The following TBL1X variants were observed in gnomAD, a reference collection of about 807,000 sequenced individuals.
TBL1X encodes the protein transducin beta like 1 X-linked.
Under a neutral mutation model 50.7 loss-of-function variants are expected in TBL1X, and 10 were observed. That is an observed-to-expected ratio of 0.20 (90% confidence interval 0.12 to 0.33). The LOEUF (loss-of-function observed/expected upper bound fraction) is 0.33. TBL1X is among the 10% of genes least tolerant of loss of function. The pLI, the probability that TBL1X is intolerant of heterozygous loss-of-function variation, is 1.00. For missense variants in TBL1X, 340 were observed against 504.4 expected, an observed-to-expected ratio of 0.67 and a Z score of 3.12; for synonymous variants, 190 against 214.7, an observed-to-expected ratio of 0.88 and a Z score of 1.01.
At chrX:9,569,578 A>T (rs184037510) in intron 2 of TBL1X, among the ~76,000 whole-genome samples, 63 of 111,959 alleles carry the variant, frequency 5.6e-4, no homozygotes, top group African/African-American at 2.0e-3. Flanking sequence ...GCACTTGAGG[A>T]TCATTTGAGC....
chrX:9,602,975 T>C (rs1188626281), intron 2 of TBL1X, among the ~76,000 whole-genome samples: 1 of 112,649 alleles, frequency 8.9e-6, no homozygotes, highest in East Asian at 2.8e-4. Context: ...GCATAAATCA[T>C]TGAATGATAC....
chrX:9,551,557 A>C (rs1440240518), intron 2 of TBL1X, among the ~76,000 whole-genome samples: 2 of 111,307 alleles, frequency 1.8e-5, no homozygotes, highest in African/African-American at 6.6e-5. Context: ...TTATGTTGCA[A>C]GGTCCCCCTC....
At chrX:9,481,532 C>T (rs2081882424) in intron 1 of TBL1X, among the ~76,000 whole-genome samples, 1 of 111,747 alleles carries the variant, frequency 8.9e-6, no homozygotes, top group Admixed American at 9.6e-5. Context: ...TAGCAGGACA[C>T]AATTGGAGAC....
intron 3 of TBL1X, chrX:9,645,160 T>C (rs2082797180): frequency 8.9e-6 from 1 of 111,849 alleles, no homozygotes; most frequent in African/African-American, 3.3e-5. Flanking sequence ...AGTGGCACGA[T>C]GTCGGCTCAC....
intron 7 of TBL1X, among the ~76,000 whole-genome samples, chrX:9,691,252 A>G (rs981405977): frequency 2.5e-4 from 28 of 110,163 alleles, no homozygotes; most frequent in Non-Finnish European, 4.4e-4. Flanking sequence ...CCCTGGCAAC[A>G]TGGTGAAACC....
intron 2 of TBL1X, among the ~76,000 whole-genome samples, chrX:9,554,530 A>G (rs1013674094): frequency 1.3e-4 from 15 of 112,417 alleles, no homozygotes; most frequent in African/African-American, 4.8e-4. Flanking sequence ...ACATTATGCT[A>G]TTATGCTTTT....
At chrX:9,525,978 G>A (rs953713986) in intron 2 of TBL1X, among the ~76,000 whole-genome samples, 1 of 111,137 alleles carries the variant, frequency 9.0e-6, no homozygotes, top group Non-Finnish European at 1.9e-5. Flanking sequence ...GTCCGGGAAC[G>A]TTCCTGCCTC....
chrX:9,528,142 C>T (rs2082141794), intron 2 of TBL1X, among the ~76,000 whole-genome samples: 1 of 111,137 alleles, frequency 9.0e-6, no homozygotes, highest in South Asian at 3.9e-4. Context: ...AGTAACTCCC[C>T]ATTCTCCCTT....
chrX:9,557,266 T>C lies in TBL1X; in HGVS notation c.-131+55417T>C, dbSNP rs761809010. On this transcript the variant is annotated intron_variant, in intron 2 of 17. Coordinates refer to ENST00000645353, the MANE Select transcript of TBL1X (RefSeq NM_005647.4). Reference sequence around the variant, plus strand: ...GGTCAGTCAGGCAGTAAGAGGAGCATGGACTTGTTTTCTGAAACAGCGACA... The same window carrying C: ...GGTCAGTCAGGCAGTAAGAGGAGCACGGACTTGTTTTCTGAAACAGCGACA... Among the ~76,000 whole-genome samples, 6 of 112,508 alleles carry C rather than the reference T, an allele frequency of 5.3e-5. No individual in the cohort carries two copies. The South Asian group carries it at 2.2e-3, about 41-fold the overall frequency.
intron 2 of TBL1X, among the ~76,000 whole-genome samples, chrX:9,619,620 G>T (rs1474235675): frequency 1.8e-5 from 2 of 112,544 alleles, no homozygotes; most frequent in Non-Finnish European, 3.8e-5. Flanking sequence ...CTGTGACCCT[G>T]TGTGTACTCG....
At chrX:9,511,923 C>T (rs977204091) in intron 2 of TBL1X, among the ~76,000 whole-genome samples, 11 of 111,398 alleles carry the variant, frequency 9.9e-5, no homozygotes, top group South Asian at 3.8e-4. Context: ...TGCGGTGGCG[C>T]GATCTCAGGT....
intron 1 of TBL1X, among the ~76,000 whole-genome samples, chrX:9,499,026 A>T (rs907077848): frequency 5.4e-5 from 6 of 111,804 alleles, no homozygotes; most frequent in African/African-American, 2.0e-4. Context: ...TTCAGAGAGC[A>T]GTGCAGTGGC....
chrX:9,634,690 A>G (rs921702548), intron 2 of TBL1X, among the ~76,000 whole-genome samples: 2 of 110,683 alleles, frequency 1.8e-5, no homozygotes, highest in Non-Finnish European at 3.8e-5. Flanking sequence ...CGGTGTTGCC[A>G]ATTGTTTTGA....
At chrX:9,559,745 C>G (rs1414530818) in intron 2 of TBL1X, among the ~76,000 whole-genome samples, 1 of 111,852 alleles carries the variant, frequency 8.9e-6, no homozygotes, top group Non-Finnish European at 1.9e-5. Flanking sequence ...AAAACTGGGC[C>G]TTATAGCCTT....
intron 14 of TBL1X, 86 bp downstream of exon 14, chrX:9,709,408 A>G: frequency 9.5e-7 from 1 of 1,057,992 alleles, no homozygotes; most frequent in Non-Finnish European, 1.3e-6. Flanking sequence ...CTCTTACATG[A>G]GGATTATTTA....
chrX:9,591,514 A>G (rs1383355276), intron 2 of TBL1X, among the ~76,000 whole-genome samples: 1 of 112,539 alleles, frequency 8.9e-6, no homozygotes, highest in East Asian at 2.8e-4. Flanking sequence ...TTGTTCATCC[A>G]AGGATGGTTT....
At chrX:9,677,883 C>T (rs2083003923) in intron 5 of TBL1X, among the ~76,000 whole-genome samples, 1 of 111,939 alleles carries the variant, frequency 8.9e-6, no homozygotes, top group Non-Finnish European at 1.9e-5. Context: ...TGAATTCCAC[C>T]TGTCCATGGG....
At chrX:9,695,731 G>T (rs1161246733) in intron 11 of TBL1X, among the ~76,000 whole-genome samples, 1 of 111,986 alleles carries the variant, frequency 8.9e-6, no homozygotes. Flanking sequence ...AGTACAGAGG[G>T]ATGGGAACTC....
chrX:9,643,416 TAAATTAC>T (rs1309388363), intron 3 of TBL1X, among the ~76,000 whole-genome samples: 11 of 112,265 alleles, frequency 9.8e-5, no homozygotes, highest in Admixed American at 6.6e-4. Context: ...TATGGGGCAT[TAAATTAC>T]AAAATTTAGT....
Sources: gnomAD v4.1 joint callset for allele counts (sites outside exome capture counted in the v4.1 genomes callset) on GRCh38, gnomAD v4.1.1 for gene constraint, MANE v1.5 for transcripts, NCBI Gene and HGNC (gene_info 2026-07-23, HGNC 2026-07-21) for gene names.